CCDC93: variants seen among roughly 807,000 people sequenced by gnomAD.
The protein encoded by CCDC93 is coiled-coil domain-containing protein 93.
CCDC93 carries 61 observed loss-of-function variants against 108.2 expected under a neutral mutation model. The ratio of observed to expected loss-of-function variants is 0.56; its 90% CI spans 0.46 to 0.70. CCDC93 has a LOEUF of 0.70. Among genes scored for constraint, CCDC93 ranks in the 30% least tolerant of loss-of-function variants. The probability of loss-of-function intolerance (pLI) is 0.00; values close to 1 mark genes in which losing one functional copy is unlikely to be tolerated. For synonymous variants in CCDC93, 276 were observed against 260.4 expected, an observed-to-expected ratio of 1.06 and a Z score of -0.58; for missense variants, 685 against 764.2, an observed-to-expected ratio of 0.90 and a Z score of 1.22.
chr2:117,968,876 A>G (rs1398242812), intron 11 of CCDC93, among the ~76,000 whole-genome samples: 2 of 152,098 alleles, frequency 1.3e-5, no homozygotes. Context: ...GCATTCCTCA[A>G]TCCCATCTCT....
At chr2:117,930,950 C>T (rs1678304315) in intron 23 of CCDC93, 87 bp downstream of exon 23, 3 of 840,704 alleles carry the variant, frequency 3.6e-6, no homozygotes, top group South Asian at 1.7e-5. Context: ...AGAGGAAAAC[C>T]AAAAAACTGC....
At chr2:118,011,955 C>T (rs753666561) in intron 1 of CCDC93, among the ~76,000 whole-genome samples, 3 of 152,236 alleles carry the variant, frequency 2.0e-5, no homozygotes, top group Non-Finnish European at 4.4e-5. Context: ...TAAAAATCCA[C>T]CAGGCTGGTT....
intron 6 of CCDC93, among the ~76,000 whole-genome samples, chr2:117,994,679 A>G (rs367992517): frequency 2.0e-5 from 3 of 152,276 alleles, no homozygotes; most frequent in South Asian, 2.1e-4. Context: ...TGCCATCTGT[A>G]TAAGAAGTAC....
chr2:117,933,814 T>C (rs569000719), intron 22 of CCDC93, among the ~76,000 whole-genome samples: 1 of 152,160 alleles, frequency 6.6e-6, no homozygotes, highest in Non-Finnish European at 1.5e-5. Context: ...TGGAGCCCTC[T>C]CTGAGAACTG....
chr2:118,001,603 C>A (rs187005458), intron 3 of CCDC93, among the ~76,000 whole-genome samples: 1 of 152,164 alleles, frequency 6.6e-6, no homozygotes, highest in Non-Finnish European at 1.5e-5. Flanking sequence ...TCTAACACCT[C>A]GCCTCAGTCT....
In CCDC93 at chr2:117,948,185, T is replaced by C. The variant is rs1244107669; in HGVS notation, c.1144A>G (p.Ile382Val). The stretch of plus-strand genomic sequence containing the variant: ...ACAAGTGCTCTCAGGTTCTGTAGGA[T>C]ACTGAAGAGAAAAGACAAAAAAATG... Reference protein sequence around the residue: ...EKIESKADPSILQNLRALVAM... With the variant: ...EKIESKADPSVLQNLRALVAM... Residue 382 changes from isoleucine to valine, a missense_variant and splice_region_variant, in exon 15 of 24, where the codon ATC becomes GTC. Coordinates refer to ENST00000376300, the MANE Select transcript of CCDC93 (RefSeq NM_019044.5). 6.2e-7 allele frequency: 1 copy of C among 1,610,638 alleles called. No individual in the cohort carries two copies. Among genetic ancestry groups the C allele is most frequent in the African/African-American group, 1.3e-5 (1 of 74,824 alleles).
chr2:117,991,618 G>A (rs979996853), intron 6 of CCDC93, among the ~76,000 whole-genome samples: 13 of 152,132 alleles, frequency 8.5e-5, no homozygotes, highest in Admixed American at 5.2e-4. Flanking sequence ...GAGTGTTAAC[G>A]AGGGATAAAG....
intron 6 of CCDC93, among the ~76,000 whole-genome samples, chr2:117,992,516 T>C (rs1414724417): frequency 6.6e-6 from 1 of 152,156 alleles, no homozygotes; most frequent in Non-Finnish European, 1.5e-5. Context: ...AGTGCTAGGA[T>C]TACGGGCATG....
At chr2:117,999,772 A>T (rs1056112607) in intron 4 of CCDC93, 1 of 152,214 alleles carries the variant, frequency 6.6e-6, no homozygotes, top group Non-Finnish European at 1.5e-5. Context: ...ATGCTATGTA[A>T]ATAGTTATGT....
chr2:117,983,852 A>T (rs1365475456), intron 7 of CCDC93, among the ~76,000 whole-genome samples: 1 of 152,074 alleles, frequency 6.6e-6, no homozygotes, highest in Non-Finnish European at 1.5e-5. Flanking sequence ...CAGTTTTAAT[A>T]ACCATTCTCT....
intron 23 of CCDC93, among the ~76,000 whole-genome samples, chr2:117,926,713 C>T (rs1291619835): frequency 5.3e-5 from 8 of 152,316 alleles, no homozygotes; most frequent in South Asian, 2.1e-4. Flanking sequence ...GGTACCATTC[C>T]TTCTGAAACT....
At chr2:117,965,682 T>C (rs1464844467) in intron 11 of CCDC93, among the ~76,000 whole-genome samples, 1 of 152,334 alleles carries the variant, frequency 6.6e-6, no homozygotes, top group Non-Finnish European at 1.5e-5. Context: ...CTGTAATTTA[T>C]GTTTTCACAG....
chr2:117,920,980 G>A (rs764296358), intron 23 of CCDC93, among the ~76,000 whole-genome samples: 115 of 151,582 alleles, frequency 7.6e-4, no homozygotes, highest in Non-Finnish European at 1.2e-3. Flanking sequence ...TCAGGAGAGT[G>A]AGACCATCCT....
At chr2:117,965,095 A>G (rs1420520631) in intron 11 of CCDC93, among the ~76,000 whole-genome samples, 1 of 152,226 alleles carries the variant, frequency 6.6e-6, no homozygotes, top group Non-Finnish European at 1.5e-5. Flanking sequence ...AGGAAATAGT[A>G]TCTAGAATGA....
intron 6 of CCDC93, 62 bp downstream of exon 6, chr2:117,995,384 T>C: frequency 7.8e-7 from 1 of 1,283,570 alleles, no homozygotes; most frequent in Non-Finnish European, 1.1e-6. Context: ...TTTTGTGATT[T>C]AACAAAGGGC....
chr2:118,005,570 A>G (rs1377323993), intron 3 of CCDC93, among the ~76,000 whole-genome samples: 2 of 152,144 alleles, frequency 1.3e-5, no homozygotes, highest in Admixed American at 6.5e-5. Flanking sequence ...CAGCCTGGAC[A>G]AGATGGTGAG....
intron 11 of CCDC93, among the ~76,000 whole-genome samples, chr2:117,971,845 G>A (rs1305508489): frequency 6.6e-6 from 1 of 152,208 alleles, no homozygotes; most frequent in Non-Finnish European, 1.5e-5. Context: ...ACTGCAATAT[G>A]GGAATAGGAT....
intron 20 of CCDC93, among the ~76,000 whole-genome samples, chr2:117,938,541 G>GA (rs1451896131): frequency 3.9e-5 from 3 of 77,110 alleles, no homozygotes; most frequent in Non-Finnish European, 5.2e-5. Context: ...AATAATAAAA[G>GA]AAAAAAAAGA....
chr2:118,004,339 T>C (rs535266684), intron 3 of CCDC93, among the ~76,000 whole-genome samples: 2 of 152,298 alleles, frequency 1.3e-5, no homozygotes, highest in African/African-American at 4.8e-5. Context: ...CCTCTGTTAA[T>C]GGGGCTTCAG....
Sources: allele counts gnomAD v4.1 joint callset (sites outside exome capture counted in the v4.1 genomes callset), GRCh38; gene constraint gnomAD v4.1.1; transcripts MANE v1.5; gene names NCBI Gene and HGNC (gene_info 2026-07-23, HGNC 2026-07-21).